Variants in MYO3A observed in about 807,000 individuals in gnomAD.
MYO3A encodes myosin IIIA, also known as myosin-IIIa.
Under a neutral mutation model 192.7 loss-of-function variants are expected in MYO3A, and 180 were observed. The observed-to-expected ratio is 0.93, with a 90% confidence interval of 0.83 to 1.06. The LOEUF (loss-of-function observed/expected upper bound fraction) is 1.06. Among genes scored for constraint, MYO3A ranks in the 50% least tolerant of loss-of-function variants. The probability of loss-of-function intolerance (pLI) is 0.00; values close to 1 mark genes in which losing one functional copy is unlikely to be tolerated. For missense variants in MYO3A, 1,896 were observed against 1,905.0 expected (o/e 1.00, Z 0.09); for synonymous variants, 628 against 645.3 (o/e 0.97, Z 0.41).
chr10:26,126,521 T>TG (rs1839226202), intron 19 of MYO3A, among the ~76,000 whole-genome samples: 1 of 152,188 alleles, frequency 6.6e-6, no homozygotes, highest in Admixed American at 6.5e-5. Flanking sequence ...AAATTGCTTG[T>TG]GTACCTCCTG....
chr10:25,977,272 A>T (rs1057274127), intron 4 of MYO3A, among the ~76,000 whole-genome samples: 1 of 152,162 alleles, frequency 6.6e-6, no homozygotes, highest in African/African-American at 2.4e-5. Context: ...TTTCCATTTT[A>T]ATCAAACTCT....
At chr10:26,189,123 T>G (rs1366922835) in intron 31 of MYO3A, among the ~76,000 whole-genome samples, 1 of 152,206 alleles carries the variant, frequency 6.6e-6, no homozygotes, top group East Asian at 1.9e-4. Context: ...GAACATTTCA[T>G]GCTCATGGGT....
intron 18 of MYO3A, among the ~76,000 whole-genome samples, chr10:26,122,454 A>G (rs1480477015): frequency 6.6e-6 from 1 of 152,216 alleles, no homozygotes; most frequent in Non-Finnish European, 1.5e-5. Context: ...CCTTGTTTCA[A>G]TTAAGCACCA....
intron 15 of MYO3A, among the ~76,000 whole-genome samples, chr10:26,090,573 C>T (rs1337498176): frequency 2.0e-5 from 3 of 152,088 alleles, no homozygotes; most frequent in Admixed American, 1.3e-4. Flanking sequence ...AACACTTTTT[C>T]CATTTTTATA....
At chr10:26,177,132 G>T (rs1472584255) in intron 31 of MYO3A, among the ~76,000 whole-genome samples, 1 of 151,918 alleles carries the variant, frequency 6.6e-6, no homozygotes, top group East Asian at 1.9e-4. Context: ...GGTATAGAGA[G>T]GGGGGCTGGC....
intron 4 of MYO3A, among the ~76,000 whole-genome samples, chr10:25,976,358 T>C (rs1249866059): frequency 6.6e-6 from 1 of 152,346 alleles, no homozygotes; most frequent in East Asian, 1.9e-4. Flanking sequence ...TTTCTGCTTT[T>C]GTAGCCTCAC....
intron 14 of MYO3A, among the ~76,000 whole-genome samples, chr10:26,087,107 A>G (rs571491978): frequency 1.3e-5 from 2 of 152,330 alleles, no homozygotes; most frequent in South Asian, 4.1e-4. Flanking sequence ...CCTTTGAAAT[A>G]TGCAGTCTTC....
At chr10:26,161,963 G>A (rs1841506048) in intron 26 of MYO3A, among the ~76,000 whole-genome samples, 2 of 152,118 alleles carry the variant, frequency 1.3e-5, no homozygotes, top group South Asian at 4.1e-4. Flanking sequence ...CTAAAAATGA[G>A]TTCAAATCTT....
chr10:25,952,974 G>C (rs1025891947), intron 3 of MYO3A, among the ~76,000 whole-genome samples: 2 of 151,318 alleles, frequency 1.3e-5, no homozygotes, highest in African/African-American at 4.9e-5. Flanking sequence ...CTATCTTCTG[G>C]TAATGAGAGC....
At position 26,016,768 on chromosome 10, in the gene MYO3A, C is replaced by T; in HGVS notation, c.509-52C>T. On this transcript the variant is annotated intron_variant, in intron 6 of 34. Coordinates refer to ENST00000642920, the MANE Select transcript of MYO3A (RefSeq NM_017433.5). ...CAAAAAAGATTATAGCAATTGAAAG[C>T]TCTTTATATGAGTAATTAATGCAAA... 5 of 1,523,800 alleles carry T rather than the reference C, an allele frequency of 3.3e-6. No individual in the cohort carries two copies. The East Asian group carries it at 1.1e-4, about 34-fold the overall frequency. The allele number at this position is 1,523,800 out of a possible 1,614,324, so 94.4% of individuals were successfully genotyped here.
rs1842845980 is a variant in MYO3A, at chr10:26,032,488, C to T, written c.953+5956C>T. Among the ~76,000 whole-genome samples, 9 of 152,170 alleles carry T rather than the reference C, an allele frequency of 5.9e-5. No individual in the cohort carries two copies. The South Asian group carries it at 1.9e-3, about 32-fold the overall frequency. ...AAAATTAGCCAGGTGTGGTGGCAGG[C>T]ACCTCTAATCCCAGCTACTCAGGAG... On this transcript the variant is annotated intron_variant, in intron 10 of 34. Transcript: ENST00000642920.
chr10:26,120,671 T>G lies in MYO3A; in HGVS notation c.1777-5T>G, dbSNP rs1401102801. Reference sequence around the variant, plus strand: ...TGATGCCAATGTTTCTGTGGTGTGTTTCAGCAACTTGGTAGTATATACAGC... The same window carrying G: ...TGATGCCAATGTTTCTGTGGTGTGTGTCAGCAACTTGGTAGTATATACAGC... On this transcript the variant is annotated splice_region_variant and splice_polypyrimidine_tract_variant and intron_variant, in intron 17 of 34. Coordinates refer to ENST00000642920, the MANE Select transcript of MYO3A (RefSeq NM_017433.5). 6.2e-7 allele frequency: 1 copy of G among 1,613,960 alleles called. No individual in the cohort carries two copies. Among genetic ancestry groups the G allele is most frequent in the East Asian group, 2.2e-5 (1 of 44,836 alleles).
rs779163989 is a variant in MYO3A at position 26,128,538 on chromosome 10, G to A, written c.2262G>A (p.Gln754=). ...ATCAACATGTGTTTGCATGGGAACA[G>A]GTAAGTCTAAGTACTTACTATAAAT... ...YYNQHVFAWE[Q]NEYLNEDVDA... is the part of the protein sequence containing the mutation. The change falls in exon 20 of 35, where the codon CAG becomes CAA. Residue 754 remains glutamine (Q), a splice_region_variant and synonymous_variant. Coordinates refer to ENST00000642920, the MANE Select transcript of MYO3A (RefSeq NM_017433.5). The A allele has an allele frequency of 1.2e-6, 2 of 1,608,310 alleles. No homozygotes were observed. Among genetic ancestry groups the A allele is most frequent in the Non-Finnish European group, 1.7e-6 (2 of 1,176,234 alleles).
chr10:26,162,672 C>T (rs188263541), intron 26 of MYO3A, among the ~76,000 whole-genome samples: 1 of 152,156 alleles, frequency 6.6e-6, no homozygotes, highest in Non-Finnish European at 1.5e-5. Context: ...TAGAAACAAT[C>T]CTCTGGCTTT....
chr10:25,938,602 G>A (rs1836271210), intron 2 of MYO3A, among the ~76,000 whole-genome samples: 1 of 152,184 alleles, frequency 6.6e-6, no homozygotes, highest in Non-Finnish European at 1.5e-5. Context: ...GTGATGCAGT[G>A]TAAGCAGCTT....
Position 26,021,596 on chromosome 10 carries a change from G to T in MYO3A, c.679G>T (p.Asp227Tyr). ...GITAIELGDG[D>Y]PPLADLHPMR... ...CACGGCCATTGAGCTGGGTGATGGA[G>T]ATCCTCCACTAGCTGACCTTCATCC... The change falls in exon 8 of 35, where the codon GAT (aspartate) becomes TAT (tyrosine). Residue 227 changes from aspartate (D) to tyrosine (Y), a missense_variant. Physicochemically the swap from Asp to Tyr is radical, Grantham distance 160. Transcript: ENST00000642920. 1 of 1,614,090 alleles carries T rather than the reference G, an allele frequency of 6.2e-7. No homozygotes were observed. Among genetic ancestry groups the T allele is most frequent in the Non-Finnish European group, 8.5e-7 (1 of 1,179,984 alleles).
chr10:25,977,615 T>A (rs559508212), intron 4 of MYO3A, among the ~76,000 whole-genome samples: 115 of 152,292 alleles, frequency 7.6e-4, no homozygotes, highest in African/African-American at 2.7e-3. Context: ...GTGGGGTGTA[T>A]TTTTTCTCAG....
intron 10 of MYO3A, among the ~76,000 whole-genome samples, chr10:26,032,630 CA>C (rs1224220516): frequency 6.9e-5 from 10 of 144,600 alleles, no homozygotes; most frequent in Admixed American, 1.4e-4. Context: ...AACAAAAAAA[CA>C]AAAAAAAAAC....
intron 10 of MYO3A, among the ~76,000 whole-genome samples, chr10:26,059,110 TAAAC>T (rs1297636295): frequency 6.6e-6 from 1 of 152,202 alleles, no homozygotes; most frequent in East Asian, 1.9e-4. Flanking sequence ...ATTTTCAACA[TAAAC>T]AATTATGTCA....
Sources: gnomAD v4.1 joint callset for allele counts (sites outside exome capture counted in the v4.1 genomes callset) on GRCh38, gnomAD v4.1.1 for gene constraint, MANE v1.5 for transcripts, NCBI Gene and HGNC (gene_info 2026-07-23, HGNC 2026-07-21) for gene names.